Variants in GP6 observed in about 807,000 individuals in gnomAD.
GP6 encodes the protein platelet glycoprotein VI.
A neutral mutation model predicts 37.3 loss-of-function variants in GP6; 45 were observed. The ratio of observed to expected loss-of-function variants is 1.21; its 90% confidence interval spans 0.95 to 1.55. GP6 has a LOEUF of 1.55. Among genes scored for constraint, GP6 ranks in the 40% most tolerant of loss-of-function variants. The pLI, the probability that GP6 is intolerant of heterozygous loss-of-function variation, is 0.00. For synonymous variants in GP6, 340 were observed against 316.4 expected (o/e 1.07, Z -0.79); for missense variants, 813 against 760.2 (o/e 1.07, Z -0.82).
intron 1 of GP6, among the ~76,000 whole-genome samples, chr19:55,034,176 G>A (rs907610956): frequency 0.013 from 1,939 of 145,506 alleles, 43 homozygotes; most frequent in African/African-American, 0.047. Flanking sequence ...GTGTGTGTGT[G>A]TATACATATG....
rs557191600 is a variant in GP6 at position 55,021,225 on chromosome 19, A to G, written c.665-2514T>C. Among the ~76,000 whole-genome samples the G allele has an allele frequency of 3.0e-3, 425 of 143,478 alleles. 7 individuals are homozygous for G. The highest frequency in any genetic ancestry group is 0.01 in the African/African-American group (410 of 39,180). 94.1% of individuals were successfully genotyped at this position (143,478 alleles called of 152,430 possible). ...AGAAAAAAAAAAAAAAAAGCCAGGC[A>G]TGGTGGCAGGCGCCTGTAGTCCCAG... is the stretch of plus-strand genomic sequence containing the variant. On this transcript the variant is annotated intron_variant, in intron 5 of 7. Transcript: ENST00000310373.
At chr19:55,034,282 C>T (rs1025497868) in intron 1 of GP6, among the ~76,000 whole-genome samples, 1 of 151,978 alleles carries the variant, frequency 6.6e-6, no homozygotes, top group African/African-American at 2.4e-5. Context: ...ACTGGCCGGG[C>T]ACGGTGGCTC....
rs969541977 is a variant in GP6 at position 55,021,916 on chromosome 19, C to CT, written c.665-3206dup. 3.0e-3 allele frequency among the ~76,000 whole-genome samples: 451 copies of CT among 151,626 alleles called. 8 individuals carry two copies. Among genetic ancestry groups the CT allele is most frequent in the African/African-American group, 0.011 (437 of 41,354 alleles). On this transcript the variant is annotated intron_variant, in intron 5 of 7. Transcript: ENST00000310373. ...TTCTCTAATGATTGGTGATGTTGAG[C>CT]TTTTTTTTGTATGTTTACTGGCTGC...
rs1568586785 is a variant in GP6 at position 55,014,650 on chromosome 19, CAT to C, written c.1293_1294del (p.Trp432ValfsTer31). 6.2e-7 allele frequency: 1 copy of C among 1,614,064 alleles called. No homozygotes were observed. Among genetic ancestry groups the C allele is most frequent in the Non-Finnish European group, 8.5e-7 (1 of 1,179,964 alleles). ...CCAGTATGTGGTCCAGCCAGGGTAC[CAT>C]GTCATCCACAGTGTGCAGGGAGGAG... On this transcript the variant is annotated frameshift_variant, in exon 8 of 8. Coordinates refer to ENST00000310373, the MANE Select transcript of GP6 (RefSeq NM_001083899.2). LOFTEE classifies it low-confidence loss of function (END_TRUNC).
At chr19:55,038,055 C>T in intron 1 of GP6, 148 bp downstream of exon 1, 1 of 730,608 alleles carries the variant, frequency 1.4e-6, no homozygotes, top group Admixed American at 2.0e-5. Context: ...TCGCTGGCCC[C>T]CCGTTTCCCC....
rs1230593204 is a variant in GP6 at position 55,035,727 on chromosome 19, AATAAAT to A, written c.34+2470_34+2475del. ...GTGAGACTCCATGTCAAAAAATAAA[AATAAAT>A]AAAAATAAATGAGCGTGGAATACTA... On this transcript the variant is annotated intron_variant, in intron 1 of 7. Coordinates refer to ENST00000310373, the MANE Select transcript of GP6 (RefSeq NM_001083899.2). Among the ~76,000 whole-genome samples, 9 of 152,116 alleles carry A rather than the reference AATAAAT, an allele frequency of 5.9e-5. No homozygotes were observed. The East Asian group carries it at 1.5e-3, about 26-fold the overall frequency.
intron 5 of GP6, among the ~76,000 whole-genome samples, chr19:55,021,014 T>A (rs2074056654): frequency 7.4e-6 from 1 of 134,794 alleles, no homozygotes; most frequent in Admixed American, 8.2e-5. Context: ...ATCATGCCCC[T>A]GCAATCCAGC....
In GP6 at chr19:55,014,942, G is replaced by C. The variant is rs746782553; in HGVS notation, c.1003C>G (p.Gln335Glu). The change falls in exon 8 of 8, where the codon CAG (glutamine) becomes GAG (glutamate). Residue 335 changes from glutamine to glutamate, a missense_variant. Gln to Glu is a conservative substitution (Grantham distance 29). Transcript: ENST00000310373. The stretch of plus-strand genomic sequence containing the variant: ...GCGGTCATGAACATAACCCGCGGCT[G>C]TGAACATCCTGTCGGCCTCCATCCT... 1 of 1,613,684 alleles carries C rather than the reference G, an allele frequency of 6.2e-7. No homozygotes were observed. Among genetic ancestry groups the C allele is most frequent in the South Asian group, 1.1e-5 (1 of 91,064 alleles).
At chr19:55,033,432 T>C (rs113510294) in intron 1 of GP6, among the ~76,000 whole-genome samples, 3 of 71,976 alleles carry the variant, frequency 4.2e-5, no homozygotes, top group Non-Finnish European at 3.2e-5. Flanking sequence ...TTAGACGCGG[T>C]GGGCTCGTTC....
In GP6 at chr19:55,019,136, C is replaced by T. The variant is rs556577723; in HGVS notation, c.665-425G>A. On this transcript the variant is annotated intron_variant, in intron 5 of 7. Coordinates refer to ENST00000310373, the MANE Select transcript of GP6 (RefSeq NM_001083899.2). ...TTTTTTTTTTTTTGAGACAGAGTCT[C>T]ATTCTGTTGCCCAGGCTGGAGTGCA... 2.9e-3 allele frequency among the ~76,000 whole-genome samples: 394 copies of T among 134,832 alleles called. 7 individuals carry two copies. The highest frequency in any genetic ancestry group is 0.01 in the African/African-American group (383 of 36,742). The allele number at this position is 134,832 out of a possible 152,430, so 88.5% of individuals were successfully genotyped here. A position where few individuals can be genotyped will look rare whatever the true frequency, so the allele number is the denominator to read the frequency against.
rs1350681594 is a variant in GP6, at chr19:55,038,237, G to A, written c.-1C>T. Reference sequence around the variant, plus strand: ...AGAGGGCGGTCGGGGATGGAGACATGGTTCCTCAGCCCTGTCCTGAGCTCT... The same window carrying A: ...AGAGGGCGGTCGGGGATGGAGACATAGTTCCTCAGCCCTGTCCTGAGCTCT... On this transcript the variant is annotated 5_prime_UTR_variant, in exon 1 of 8. Coordinates refer to ENST00000310373, the MANE Select transcript of GP6 (RefSeq NM_001083899.2). 14 of 1,588,136 alleles carry A rather than the reference G, an allele frequency of 8.8e-6. No homozygotes were observed. The highest frequency in any genetic ancestry group is 1.2e-5 in the Non-Finnish European group (14 of 1,166,060).
chr19:55,024,877 TGTTGGTTGGTTGGTTGGTTG>T (rs10526819), intron 5 of GP6, among the ~76,000 whole-genome samples: 3 of 150,586 alleles, frequency 2.0e-5, no homozygotes, highest in Admixed American at 6.6e-5. Flanking sequence ...TCTACAGGTT[TGTTGGTTGGTTGGTTGGTTG>T]GTTGGTTGGT....
At chr19:55,021,822 T>C (rs1568606959) in intron 5 of GP6, among the ~76,000 whole-genome samples, 1 of 152,160 alleles carries the variant, frequency 6.6e-6, no homozygotes, top group Non-Finnish European at 1.5e-5. Context: ...GCCCGGCGTT[T>C]CTTGACTTTT....
At chr19:55,019,607 G>C (rs1039605090) in intron 5 of GP6, among the ~76,000 whole-genome samples, 4 of 151,962 alleles carry the variant, frequency 2.6e-5, no homozygotes, top group Non-Finnish European at 5.9e-5. Flanking sequence ...TGAGCCTAGA[G>C]GAAGAATGAG....
intron 2 of GP6, 54 bp from the exon 3 acceptor site, chr19:55,032,450 G>T: frequency 6.2e-7 from 1 of 1,612,620 alleles, no homozygotes; most frequent in Non-Finnish European, 8.5e-7. Flanking sequence ...CCTGGACCCC[G>T]CTGCTCCCGC....
intron 3 of GP6, among the ~76,000 whole-genome samples, chr19:55,029,687 A>G (rs11670590): frequency 0.53 from 78,470 of 148,682 alleles, 21,370 homozygotes; most frequent in East Asian, 0.62. Context: ...ACCGTGCCCG[A>G]CCAGGAATTA....
intron 1 of GP6, among the ~76,000 whole-genome samples, chr19:55,035,298 A>T (rs904285539): frequency 6.6e-6 from 1 of 152,098 alleles, no homozygotes; most frequent in Non-Finnish European, 1.5e-5. Context: ...GTTTGGGGAG[A>T]TGTTGGTCAG....
chr19:55,035,364 C>T (rs1161358240), intron 1 of GP6, among the ~76,000 whole-genome samples: 2 of 152,184 alleles, frequency 1.3e-5, no homozygotes, highest in Non-Finnish European at 2.9e-5. Flanking sequence ...TACTGCACAT[C>T]ATGGTGACTG....
intron 3 of GP6, among the ~76,000 whole-genome samples, 179 bp from the exon 4 acceptor site, chr19:55,028,041 CTG>C (rs953988353): frequency 3.0e-4 from 45 of 152,202 alleles, no homozygotes; most frequent in African/African-American, 1.1e-3. Context: ...AGGAAGGAGG[CTG>C]TGCTCACGTC....
Sources: allele counts gnomAD v4.1 joint callset (sites outside exome capture counted in the v4.1 genomes callset), GRCh38; gene constraint gnomAD v4.1.1; transcripts MANE v1.5; gene names NCBI Gene and HGNC (gene_info 2026-07-23, HGNC 2026-07-21).